Variants in PFKM observed in about 807,000 individuals in gnomAD.
PFKM encodes the protein ATP-dependent 6-phosphofructokinase, muscle type.
In PFKM, 58 loss-of-function variants were observed where a neutral mutation model predicts 95.5. The ratio of observed to expected loss-of-function variants is 0.61; its 90% CI spans 0.49 to 0.76. PFKM has a LOEUF of 0.76. Among genes scored for constraint, PFKM ranks in the 30% least tolerant of loss-of-function variants. PFKM has a pLI of 0.00. For missense variants in PFKM, 678 were observed against 1,005.4 expected (o/e 0.67, Z 4.40); for synonymous variants, 336 against 357.2 (o/e 0.94, Z 0.67).
At chr12:48,108,843 T>A (rs191535207) in intron 3 of PFKM, among the ~76,000 whole-genome samples, 3 of 152,320 alleles carry the variant, frequency 2.0e-5, no homozygotes, top group Admixed American at 2.0e-4. Flanking sequence ...ATAAGGCATA[T>A]CCTTGCCATT....
chr12:48,132,041 G>T (rs1015446964), intron 4 of PFKM: 4 of 455,754 alleles, frequency 8.8e-6, no homozygotes, highest in African/African-American at 8.0e-5. Flanking sequence ...AAAATCCATG[G>T]GCAAAAATTT....
rs546386730 is a variant in PFKM at position 48,142,309 on chromosome 12, C to T, written c.1653+243C>T. 118 of 531,004 alleles carry T rather than the reference C, an allele frequency of 2.2e-4. 2 individuals carry two copies. The highest frequency in any genetic ancestry group is 1.5e-3 in the South Asian group (74 of 49,890). 32.9% of individuals were successfully genotyped at this position (531,004 alleles called of 1,614,324 possible). ...CCAACATGGTGAAACCCCATCTCTA[C>T]TAAAAATACAAAAACTAGCTGGGTG... On this transcript the variant is annotated intron_variant, in intron 17 of 22. Transcript: ENST00000359794.
At position 48,134,800 on chromosome 12, in the gene PFKM, G is replaced by A; in HGVS notation, c.718G>A (p.Glu240Lys). 6.2e-7 allele frequency: 1 copy of A among 1,614,080 alleles called. No homozygotes were observed. Among genetic ancestry groups the A allele is most frequent in the South Asian group, 1.1e-5 (1 of 91,072 alleles). Residue 240 changes from glutamate (E) to lysine (K), a missense_variant, in exon 8 of 23, where the codon GAG becomes AAG. Transcript: ENST00000359794. ...TGAATGTCCACCAGATGACGACTGG[G>A]AGGAACACCTTTGTCGCCGACTCAG... ...IPECPPDDDW[E>K]EHLCRRLSET... is the part of the protein sequence containing the mutation.
rs755992543 is a variant in PFKM at position 48,122,833 on chromosome 12, T to C, written c.59T>C (p.Val20Ala). 26 of 1,614,006 alleles carry C rather than the reference T, an allele frequency of 1.6e-5. No individual in the cohort carries two copies. The East Asian group carries it at 5.6e-4, about 35-fold the overall frequency. ...CTGGGGATTGGCAAAGCCATTGCTG[T>C]CTTAACCTCTGGTGGAGATGCCCAA... ...KTLGIGKAIA[V>A]LTSGGDAQGM... is the part of the protein sequence containing the mutation. Residue 20 changes from valine to alanine, a missense_variant, in exon 2 of 23, where the codon GTC (valine) becomes GCC (alanine). Coordinates refer to ENST00000359794, the MANE Select transcript of PFKM (RefSeq NM_000289.6).
chr12:48,105,793 C>CAGAAGG (rs1163023933), upstream of PFKM: 1 of 585,356 alleles, frequency 1.7e-6, no homozygotes, highest in Non-Finnish European at 3.1e-6. Flanking sequence ...AGAGAGAGAC[C>CAGAAGG]AGAAGGAACG....
rs1372921221 is a variant in PFKM, at chr12:48,134,839, C to T, written c.747+10C>T. 1.6e-5 allele frequency: 26 copies of T among 1,608,792 alleles called. No homozygotes were observed. In the Admixed American group the frequency reaches 3.0e-4, roughly 19 times the overall value. On this transcript the variant is annotated intron_variant, in intron 8 of 22. Coordinates refer to ENST00000359794, the MANE Select transcript of PFKM (RefSeq NM_000289.6). ...TCGCCGACTCAGCGAGGTACTTGCACTTTATTTTGCCCTTAAGAAATCCCT... is the reference window on the plus strand; with the variant it reads ...TCGCCGACTCAGCGAGGTACTTGCATTTTATTTTGCCCTTAAGAAATCCCT...
upstream of PFKM, among the ~76,000 whole-genome samples, chr12:48,117,499 T>G (rs114915033): frequency 3.9e-3 from 588 of 152,360 alleles, 2 homozygotes; most frequent in African/African-American, 0.014. Context: ...AGCATTTGGA[T>G]TTTTGAATTT....
chr12:48,131,685 A>T, intron 4 of PFKM: 1 of 442,508 alleles, frequency 2.3e-6, no homozygotes, highest in Admixed American at 3.4e-5. Flanking sequence ...CTAGGGTCAC[A>T]GGGAAGGTCT....
chr12:48,133,119 A>T (rs1949690050), intron 5 of PFKM, 62 bp downstream of exon 5: 2 of 1,493,834 alleles, frequency 1.3e-6, no homozygotes, highest in Non-Finnish European at 1.9e-6. Flanking sequence ...GTGTACACAC[A>T]CACATCGCCC....
chr12:48,141,777 A>C lies in PFKM; in HGVS notation c.1450A>C (p.Asn484His). Reference sequence around the variant, plus strand: ...GAAGAGCTTTGAACAGATCAGTGCCAATATAACTAAGTTTAACATTCAGGG... The same window carrying C: ...GAAGAGCTTTGAACAGATCAGTGCCCATATAACTAAGTTTAACATTCAGGG... ...PKKSFEQISA[N>H]ITKFNIQGLV... Residue 484 changes from asparagine to histidine, a missense_variant, in exon 16 of 23, where the codon AAT (asparagine) becomes CAT (histidine). Physicochemically the swap from Asn to His is moderately conservative, Grantham distance 68. Coordinates refer to ENST00000359794, the MANE Select transcript of PFKM (RefSeq NM_000289.6). 1 of 1,613,888 alleles carries C rather than the reference A, an allele frequency of 6.2e-7. No homozygotes were observed. The highest frequency in any genetic ancestry group is 8.5e-7 in the Non-Finnish European group (1 of 1,179,820).
At chr12:48,106,298 G>C in intron 1 of PFKM, 1 of 593,548 alleles carries the variant, frequency 1.7e-6, no homozygotes, top group South Asian at 2.0e-5. Flanking sequence ...TCGCTTTCTC[G>C]TACTCGGAAT....
At chr12:48,125,438 A>G (rs1458176166) in intron 2 of PFKM, 4 of 401,458 alleles carry the variant, frequency 1.0e-5, no homozygotes, top group East Asian at 8.2e-5. Flanking sequence ...CCTGACCAAC[A>G]TGGAGAAACC....
At chr12:48,133,138 C>G (rs893655856) in intron 5 of PFKM, 81 bp downstream of exon 5, 2 of 1,413,726 alleles carry the variant, frequency 1.4e-6, no homozygotes, top group African/African-American at 2.8e-5. Flanking sequence ...CCCCGCCCTG[C>G]TTTTACCTCC....
At chr12:48,132,687 C>T (rs1434313644) in intron 4 of PFKM, 181 bp from the exon 5 acceptor site, 5 of 649,254 alleles carry the variant, frequency 7.7e-6, no homozygotes. Context: ...GGGAATGACC[C>T]TATGATGCCT....
At chr12:48,135,259 C>T in intron 9 of PFKM, 32 bp from the exon 10 acceptor site, 2 of 1,554,208 alleles carry the variant, frequency 1.3e-6, no homozygotes, top group Non-Finnish European at 1.8e-6. Flanking sequence ...CTCTGCGTAA[C>T]CCTCTCTCTG....
chr12:48,121,943 C>T (rs1220088192), intron 1 of PFKM, among the ~76,000 whole-genome samples: 1 of 152,140 alleles, frequency 6.6e-6, no homozygotes, highest in Non-Finnish European at 1.5e-5. Flanking sequence ...AATACGTCCT[C>T]TTGTGTGTTC....
chr12:48,132,976 A>G lies in PFKM; in HGVS notation c.346A>G (p.Ile116Val), dbSNP rs1949674373. Reference sequence around the variant, plus strand: ...GCGTGGGATCACCAATCTCTGTGTCATTGGGGGTGATGGCAGCCTCACTGG... The same window carrying G: ...GCGTGGGATCACCAATCTCTGTGTCGTTGGGGGTGATGGCAGCCTCACTGG... ...VKRGITNLCVIGGDGSLTGAD... is the reference protein window; with the variant it reads ...VKRGITNLCVVGGDGSLTGAD... The change falls in exon 5 of 23, where the codon ATT becomes GTT. Residue 116 changes from isoleucine (I) to valine (V), a missense_variant. Coordinates refer to ENST00000359794, the MANE Select transcript of PFKM (RefSeq NM_000289.6). 1 of 1,614,016 alleles carries G rather than the reference A, an allele frequency of 6.2e-7. No homozygotes were observed. The highest frequency in any genetic ancestry group is 1.3e-5 in the African/African-American group (1 of 74,918).
chr12:48,122,306 C>T (rs1220885260), intron 1 of PFKM, among the ~76,000 whole-genome samples: 4 of 152,308 alleles, frequency 2.6e-5, no homozygotes, highest in African/African-American at 9.6e-5. Flanking sequence ...ATAATCCAAC[C>T]TACCCTTGCT....
At position 48,127,979 on chromosome 12, in the gene PFKM, G is replaced by A. The variant is rs750337899; in HGVS notation, c.86-2384G>A. Among the ~76,000 whole-genome samples the A allele has an allele frequency of 4.6e-5, 7 of 152,160 alleles. No homozygotes were observed. The South Asian group carries it at 1.2e-3, about 27-fold the overall frequency. On this transcript the variant is annotated intron_variant, in intron 2 of 22. Coordinates refer to ENST00000359794, the MANE Select transcript of PFKM (RefSeq NM_000289.6). Reference sequence around the variant, plus strand: ...CAAGTCAAACTTCTCATGGCACATAGGTGCCTGCCCACCTGTAGAGCTTCA... The same window carrying A: ...CAAGTCAAACTTCTCATGGCACATAAGTGCCTGCCCACCTGTAGAGCTTCA...
Sources: gnomAD v4.1 joint callset for allele counts (sites outside exome capture counted in the v4.1 genomes callset) on GRCh38, gnomAD v4.1.1 for gene constraint, MANE v1.5 for transcripts, NCBI Gene and HGNC (gene_info 2026-07-23, HGNC 2026-07-21) for gene names.